NLRC5: variants seen among roughly 807,000 people sequenced by gnomAD.
NLRC5 encodes the protein NLR family CARD domain containing 5.
In NLRC5, 114 loss-of-function variants were observed where a neutral mutation model predicts 206.9. That is an observed-to-expected ratio of 0.55 (90% CI 0.47 to 0.64). NLRC5 has a LOEUF of 0.64. Ranked by LOEUF, NLRC5 falls within the 30% of genes least tolerant of loss-of-function variation. NLRC5 has a pLI of 0.00. For synonymous variants in NLRC5, 952 were observed against 962.8 expected, an observed-to-expected ratio of 0.99 and a Z score of 0.21; for missense variants, 2,008 against 2,305.5, an observed-to-expected ratio of 0.87 and a Z score of 2.64.
chr16:57,002,111 C>G (rs1458038544), intron 1 of NLRC5, among the ~76,000 whole-genome samples: 1 of 152,174 alleles, frequency 6.6e-6, no homozygotes, highest in Non-Finnish European at 1.5e-5. Flanking sequence ...GAATAGTACT[C>G]CATTTTGTAT....
intron 6 of NLRC5, among the ~76,000 whole-genome samples, chr16:57,027,520 A>C (rs1473248656): frequency 1.3e-5 from 2 of 152,214 alleles, no homozygotes; most frequent in Non-Finnish European, 2.9e-5. Flanking sequence ...CTCCTCCCCA[A>C]ATACAGTAGG....
chr16:57,074,463 T>C, intron 38 of NLRC5, 137 bp from the exon 39 acceptor site: 1 of 731,714 alleles, frequency 1.4e-6, no homozygotes, highest in Non-Finnish European at 2.5e-6. Flanking sequence ...GTTCATTTTG[T>C]AGAATTTTTA....
chr16:57,029,951 G>C, intron 9 of NLRC5, 44 bp from the exon 10 acceptor site: 2 of 1,609,194 alleles, frequency 1.2e-6, no homozygotes, highest in Admixed American at 1.7e-5. Context: ...GGGGCCCCTG[G>C]GGTAGGGGAT....
In NLRC5 at chr16:57,055,520, G is replaced by A; in HGVS notation, c.3746+1G>A. 1 of 1,612,296 alleles carries A rather than the reference G, an allele frequency of 6.2e-7. No homozygotes were observed. Among genetic ancestry groups the A allele is most frequent in the Non-Finnish European group, 8.5e-7 (1 of 1,178,630 alleles). On this transcript the variant is annotated splice_donor_variant, in intron 27 of 48. Transcript: ENST00000688547. LOFTEE classifies it high-confidence loss of function. ...AGTGTAAAGACCTCAGCCAGGTGGAGTAAGTTGAGGGAGGAGGAGGAAGGA... is the reference window on the plus strand; with the variant it reads ...AGTGTAAAGACCTCAGCCAGGTGGAATAAGTTGAGGGAGGAGGAGGAAGGA...
Position 57,026,452 on chromosome 16 carries a change from T to TG in NLRC5, c.1512dup (p.His505AlafsTer50). 1 of 1,614,170 alleles carries TG rather than the reference T, an allele frequency of 6.2e-7. No homozygotes were observed. The highest frequency in any genetic ancestry group is 1.1e-5 in the South Asian group (1 of 91,086). Reference sequence around the variant, plus strand: ...CTTCCTTCTGCGTCTGCACAGGCCCTGGGCACCAGCAGACAGGCTATGCTT... The same window carrying TG: ...CTTCCTTCTGCGTCTGCACAGGCCCTGGGGCACCAGCAGACAGGCTATGCTT... On this transcript the variant is annotated frameshift_variant, in exon 6 of 49. Coordinates refer to ENST00000688547, the MANE Select transcript of NLRC5 (RefSeq NM_001384950.1). LOFTEE classifies it high-confidence loss of function.
chr16:57,006,809 T>C lies in NLRC5; in HGVS notation c.-127-10265T>C, dbSNP rs185907700. Among the ~76,000 whole-genome samples, 331 of 151,988 alleles carry C rather than the reference T, an allele frequency of 2.2e-3. 1 individual carries two copies. The highest frequency in any genetic ancestry group is 7.4e-3 in the African/African-American group (309 of 41,480). On this transcript the variant is annotated intron_variant, in intron 1 of 48. Transcript: ENST00000688547. ...GATAAAGGTTGTATCCTGTTACATGTCCACGGATGAATTTCTTCCAGAAAT... is the reference window on the plus strand; with the variant it reads ...GATAAAGGTTGTATCCTGTTACATGCCCACGGATGAATTTCTTCCAGAAAT...
At chr16:57,039,602 A>G (rs2063029090) in intron 15 of NLRC5, among the ~76,000 whole-genome samples, 179 bp from the exon 16 acceptor site, 1 of 151,906 alleles carries the variant, frequency 6.6e-6, no homozygotes, top group Non-Finnish European at 1.5e-5. Flanking sequence ...CTGTAATCCC[A>G]GCTACTCAGG....
intron 36 of NLRC5, among the ~76,000 whole-genome samples, chr16:57,068,126 A>T (rs1158125126): frequency 6.6e-6 from 1 of 152,214 alleles, no homozygotes; most frequent in Admixed American, 6.5e-5. Flanking sequence ...GCTGTGTGCC[A>T]TTTACCCAAA....
rs377191930 is a variant in NLRC5, at chr16:57,026,396, A to C, written c.1453A>C (p.Ile485Leu). The C allele has an allele frequency of 6.2e-7, 1 of 1,613,978 alleles. No homozygotes were observed. Among genetic ancestry groups the C allele is most frequent in the Non-Finnish European group, 8.5e-7 (1 of 1,180,036 alleles). The change falls in exon 6 of 49, where the codon ATA becomes CTA. Residue 485 changes from isoleucine (I) to leucine (L), a missense_variant. Transcript: ENST00000688547. The part of the protein sequence containing the change: ...FYAKDIAPPL[I>L]AFGATHSLLT... ...TGCAAAAGATATTGCTCCACCCTTG[A>C]TAGCTTTTGGGGCCACTCACAGCCT...
chr16:57,039,249 T>C (rs1452535780), intron 15 of NLRC5, among the ~76,000 whole-genome samples: 2 of 152,238 alleles, frequency 1.3e-5, no homozygotes, highest in Admixed American at 6.5e-5. Flanking sequence ...GAATTTGTTT[T>C]CTTTTAAGAC....
At chr16:57,017,873 G>T (rs1386611866) in intron 2 of NLRC5, among the ~76,000 whole-genome samples, 1 of 152,218 alleles carries the variant, frequency 6.6e-6, no homozygotes, top group Non-Finnish European at 1.5e-5. Flanking sequence ...CTACCACAGA[G>T]AATTAGTAAC....
At chr16:57,027,913 G>A (rs1219967511) in intron 6 of NLRC5, among the ~76,000 whole-genome samples, 159 bp from the exon 7 acceptor site, 2 of 152,234 alleles carry the variant, frequency 1.3e-5, no homozygotes, top group African/African-American at 4.8e-5. Flanking sequence ...TGCTGTAGAT[G>A]AAGTGGAGAA....
In NLRC5 at chr16:57,067,290, T is replaced by G. The variant is rs1454186645; in HGVS notation, c.4323-97T>G. 4 of 952,810 alleles carry G rather than the reference T, an allele frequency of 4.2e-6. No homozygotes were observed. In the African/African-American group the frequency reaches 6.5e-5, roughly 15 times the overall value. The allele number at this position is 952,810 out of a possible 1,614,324, so 59.0% of individuals were successfully genotyped here. ...TGTAGGACTTCATTTGATCAGCATT[T>G]ATTTACCCCTACACCATAAGCTCCT... is the stretch of plus-strand genomic sequence containing the variant. On this transcript the variant is annotated intron_variant, in intron 34 of 48. Transcript: ENST00000688547.
Position 57,037,430 on chromosome 16 carries a change from C to G in NLRC5, c.2801+146C>G, listed in dbSNP as rs562666118. The G allele has an allele frequency of 7.1e-6, 5 of 701,144 alleles. No individual in the cohort carries two copies. The African/African-American group carries it at 8.8e-5, about 12-fold the overall frequency. 43.4% of individuals were successfully genotyped at this position (701,144 alleles called of 1,614,324 possible). ...CCAGACCCCGTTACAGCCGGCACCCCTCTTCCTAGCTGCTGTGGATATAGG... is the reference window on the plus strand; with the variant it reads ...CCAGACCCCGTTACAGCCGGCACCCGTCTTCCTAGCTGCTGTGGATATAGG... On this transcript the variant is annotated intron_variant, in intron 15 of 48. Transcript: ENST00000688547.
rs745494859 is a variant in NLRC5 at position 57,026,566 on chromosome 16, T to C, written c.1623T>C (p.Val541=). 10 of 1,614,208 alleles carry C rather than the reference T, an allele frequency of 6.2e-6. No individual in the cohort carries two copies. In the Middle Eastern group the frequency reaches 9.9e-4, roughly 160 times the overall value. The change falls in exon 6 of 49, where the codon GTT becomes GTC. Residue 541 remains valine (V), a synonymous_variant. Coordinates refer to ENST00000688547, the MANE Select transcript of NLRC5 (RefSeq NM_001384950.1). The part of the protein sequence containing the change: ...KVNKDTLTQY[V]TLHSRWVQRT... ...ACAAAGACACACTTACCCAGTATGT[T>C]ACCCTCCATTCCCGCTGGGTACAGC...
chr16:57,059,459 C>T lies in NLRC5; in HGVS notation c.3921-8C>T, dbSNP rs2066128611. On this transcript the variant is annotated splice_polypyrimidine_tract_variant and splice_region_variant and intron_variant, in intron 29 of 48. Transcript: ENST00000688547. ...GCACCGTGCTTCCCCAGGCCCTTCT[C>T]TCTGCAGCCTGGGCTCTGAGCAGAG... The T allele has an allele frequency of 1.2e-6, 2 of 1,604,630 alleles. No homozygotes were observed. The highest frequency in any genetic ancestry group is 1.3e-5 in the African/African-American group (1 of 74,812).
chr16:57,025,047 C>A (rs529751629), intron 5 of NLRC5, among the ~76,000 whole-genome samples: 1 of 152,246 alleles, frequency 6.6e-6, no homozygotes, highest in East Asian at 1.9e-4. Context: ...AAAGGAGGTG[C>A]CCTATTCCCC....
intron 26 of NLRC5, among the ~76,000 whole-genome samples, 164 bp downstream of exon 26, chr16:57,055,258 C>T (rs377649920): frequency 1.3e-5 from 2 of 152,156 alleles, no homozygotes; most frequent in South Asian, 2.1e-4. Context: ...AACACAGGTC[C>T]GGGTGGGATC....
chr16:57,031,358 T>C (rs1465178665), intron 10 of NLRC5, 46 bp from the exon 11 acceptor site: 2 of 1,605,810 alleles, frequency 1.2e-6, no homozygotes, highest in Non-Finnish European at 1.7e-6. Flanking sequence ...GGTGATGTGC[T>C]GGTTTCCAGT....
Sources: gnomAD v4.1 joint callset for allele counts (sites outside exome capture counted in the v4.1 genomes callset) on GRCh38, gnomAD v4.1.1 for gene constraint, MANE v1.5 for transcripts, NCBI Gene and HGNC (gene_info 2026-07-23, HGNC 2026-07-21) for gene names.